Variants in CTNNA1 observed in about 807,000 individuals in gnomAD.
CTNNA1 encodes the protein catenin alpha 1.
A neutral mutation model predicts 98.4 loss-of-function variants in CTNNA1; 37 were observed. That is an observed-to-expected ratio of 0.38 (90% CI 0.29 to 0.49). The LOEUF is 0.49. Among genes scored for constraint, CTNNA1 ranks in the 20% least tolerant of loss-of-function variants. CTNNA1 has a pLI of 0.95. For missense variants in CTNNA1, 761 were observed against 1,147.2 expected, an observed-to-expected ratio of 0.66 and a Z score of 4.86; for synonymous variants, 404 against 413.2, an observed-to-expected ratio of 0.98 and a Z score of 0.27.
chr5:138,768,658 C>T (rs1421460387), intron 1 of CTNNA1, among the ~76,000 whole-genome samples: 1 of 148,774 alleles, frequency 6.7e-6, no homozygotes, highest in Non-Finnish European at 1.5e-5. Flanking sequence ...ATGCTAAACT[C>T]CTGAACTCCT....
intron 3 of CTNNA1, among the ~76,000 whole-genome samples, chr5:138,797,241 A>G (rs772213573): frequency 2.6e-5 from 4 of 152,210 alleles, no homozygotes; most frequent in Non-Finnish European, 5.9e-5. Flanking sequence ...CTTTTTTTAT[A>G]TAAAAGTATA....
intron 5 of CTNNA1, among the ~76,000 whole-genome samples, chr5:138,816,281 G>A (rs557037055): frequency 2.0e-5 from 3 of 152,298 alleles, no homozygotes; most frequent in African/African-American, 4.8e-5. Context: ...TTTGTCTGTT[G>A]ATGGACACTT....
rs775656419 is a variant in CTNNA1, at chr5:138,930,892, C to T, written c.2255C>T (p.Ala752Val). 1.2e-6 allele frequency: 2 copies of T among 1,614,068 alleles called. No homozygotes were observed. The highest frequency in any genetic ancestry group is 1.3e-5 in the African/African-American group (1 of 75,048). ...VISAAKKIAE[A>V]GSRMDKLGRT... Reference sequence around the variant, plus strand: ...AGTGCTGCCAAGAAAATTGCTGAGGCAGGATCCAGGATGGACAAGCTTGGC... The same window carrying T: ...AGTGCTGCCAAGAAAATTGCTGAGGTAGGATCCAGGATGGACAAGCTTGGC... The change falls in exon 16 of 18, where the codon GCA becomes GTA. Residue 752 changes from alanine (A) to valine (V), a missense_variant. Physicochemically the swap from Ala to Val is moderately conservative, Grantham distance 64 (BLOSUM62 0). Around this residue, in one of 6 missense-constraint regions of CTNNA1, gnomAD observed 77 missense variants for 198.8 expected, o/e 0.39. Coordinates refer to ENST00000302763, the MANE Select transcript of CTNNA1 (RefSeq NM_001903.5).
intron 1 of CTNNA1, among the ~76,000 whole-genome samples, chr5:138,765,640 T>C (rs1752844628): frequency 6.6e-6 from 1 of 152,030 alleles, no homozygotes; most frequent in Non-Finnish European, 1.5e-5. Context: ...AGATCAGGTT[T>C]GGTAAAATAG....
Position 138,781,473 on chromosome 5 carries a change from G to T in CTNNA1, c.-2-450G>T, listed in dbSNP as rs966820847. ...TGGGAGGCTGAGGCCAGAGAATGGC[G>T]TGAACCCAGGAGGCGGAGCTTGCAG... On this transcript the variant is annotated intron_variant, in intron 1 of 17. Coordinates refer to ENST00000302763, the MANE Select transcript of CTNNA1 (RefSeq NM_001903.5). Among the ~76,000 whole-genome samples the T allele has an allele frequency of 6.6e-5, 10 of 151,794 alleles. No homozygotes were observed. In the East Asian group the frequency reaches 1.9e-3, roughly 29 times the overall value.
chr5:138,773,749 T>C (rs1753799013), intron 1 of CTNNA1, among the ~76,000 whole-genome samples: 1 of 151,906 alleles, frequency 6.6e-6, no homozygotes, highest in African/African-American at 2.4e-5. Flanking sequence ...CTCACTCTGT[T>C]GCCCAGGCTG....
At chr5:138,840,851 A>C (rs574496891) in intron 7 of CTNNA1, among the ~76,000 whole-genome samples, 1 of 152,296 alleles carries the variant, frequency 6.6e-6, no homozygotes, top group East Asian at 1.9e-4. Flanking sequence ...TCTGCCCTCA[A>C]ACTAGCCATA....
At chr5:138,802,537 T>C (rs1757690065) in intron 3 of CTNNA1, among the ~76,000 whole-genome samples, 1 of 152,104 alleles carries the variant, frequency 6.6e-6, no homozygotes, top group African/African-American at 2.4e-5. Flanking sequence ...AAATATGATG[T>C]TGGAAACTGC....
Position 138,924,723 on chromosome 5 carries a change from T to C in CTNNA1, c.1747+13T>C. On this transcript the variant is annotated intron_variant, in intron 12 of 17. Coordinates refer to ENST00000302763, the MANE Select transcript of CTNNA1 (RefSeq NM_001903.5). The stretch of plus-strand genomic sequence containing the variant: ...CTCTCCAACACAGGTACGGGAACTC[T>C]CCCTTTCCAGTGCTCGCACACACCG... 6.4e-7 allele frequency: 1 copy of C among 1,555,124 alleles called. No individual in the cohort carries two copies. The highest frequency in any genetic ancestry group is 8.7e-7 in the Non-Finnish European group (1 of 1,148,860).
chr5:138,888,082 C>G (rs1015499848), intron 9 of CTNNA1, among the ~76,000 whole-genome samples: 3 of 152,114 alleles, frequency 2.0e-5, no homozygotes, highest in African/African-American at 7.2e-5. Context: ...TTTTGAGGAC[C>G]TAAAAAGATG....
chr5:138,903,759 T>C (rs1268016743), intron 9 of CTNNA1, among the ~76,000 whole-genome samples: 1 of 152,242 alleles, frequency 6.6e-6, no homozygotes, highest in African/African-American at 2.4e-5. Flanking sequence ...CTATGAAACA[T>C]AACCAGTTTC....
At position 138,827,994 on chromosome 5, in the gene CTNNA1, G is replaced by A. The variant is rs1581179779; in HGVS notation, c.1062+276G>A. 1.6e-5 allele frequency: 7 copies of A among 432,944 alleles called. No homozygotes were observed. In the East Asian group the frequency reaches 2.4e-4, roughly 15 times the overall value. 26.8% of individuals were successfully genotyped at this position (432,944 alleles called of 1,614,324 possible). A position where few individuals can be genotyped will look rare whatever the true frequency, so the allele number is the denominator to read the frequency against. ...AATTAACATGTAGATACATGTGTAG[G>A]TGTGTGTATATATAAATGTATATGT... On this transcript the variant is annotated intron_variant, in intron 7 of 17. Coordinates refer to ENST00000302763, the MANE Select transcript of CTNNA1 (RefSeq NM_001903.5).
intron 11 of CTNNA1, among the ~76,000 whole-genome samples, chr5:138,921,219 A>G (rs1762851060): frequency 6.6e-6 from 1 of 152,186 alleles, no homozygotes. Context: ...TTTCACTTGG[A>G]TTGTATTTGA....
chr5:138,828,449 G>A (rs560290659), intron 7 of CTNNA1, among the ~76,000 whole-genome samples: 14 of 150,374 alleles, frequency 9.3e-5, no homozygotes, highest in South Asian at 6.3e-4. Flanking sequence ...TTTTTCCTTC[G>A]CTTATACTTC....
At chr5:138,872,748 TTACA>T in intron 7 of CTNNA1, 1 of 350,488 alleles carries the variant, frequency 2.9e-6, no homozygotes, top group South Asian at 5.9e-5. Flanking sequence ...TTGTATATAA[TTACA>T]TACATTTCTT....
At chr5:138,898,842 A>C (rs1757442297) in intron 9 of CTNNA1, among the ~76,000 whole-genome samples, 1 of 152,146 alleles carries the variant, frequency 6.6e-6, no homozygotes, top group Admixed American at 6.5e-5. Context: ...CATGTCTCTT[A>C]AATTCTTTTG....
In CTNNA1 at chr5:138,930,934, A is replaced by G; in HGVS notation, c.2297A>G (p.His766Arg). 1 of 1,609,594 alleles carries G rather than the reference A, an allele frequency of 6.2e-7. No individual in the cohort carries two copies. The highest frequency in any genetic ancestry group is 8.5e-7 in the Non-Finnish European group (1 of 1,175,838). The change falls in exon 16 of 18, where the codon CAT becomes CGT. Residue 766 changes from histidine to arginine, a missense_variant and splice_region_variant. His to Arg is a conservative substitution (Grantham distance 29). Transcript: ENST00000302763. ...MDKLGRTIAD[H>R]CPDSACKQDL... Reference sequence around the variant, plus strand: ...AAGCTTGGCCGCACCATTGCAGACCATGTAAGTGACAGACTTGCCAGGTGG... The same window carrying G: ...AAGCTTGGCCGCACCATTGCAGACCGTGTAAGTGACAGACTTGCCAGGTGG...
At chr5:138,803,288 A>G (rs1757761556) in intron 3 of CTNNA1, among the ~76,000 whole-genome samples, 1 of 151,912 alleles carries the variant, frequency 6.6e-6, no homozygotes. Flanking sequence ...CAAGTAGCTA[A>G]GACTATAGGT....
intron 1 of CTNNA1, among the ~76,000 whole-genome samples, chr5:138,779,529 G>GT (rs1754801121): frequency 6.6e-6 from 1 of 150,796 alleles, no homozygotes; most frequent in African/African-American, 2.4e-5. Context: ...GAAATGGTCC[G>GT]TTTTTTAAAA....
Sources: gnomAD v4.1 joint callset for allele counts (sites outside exome capture counted in the v4.1 genomes callset) on GRCh38, gnomAD v4.1.1 for gene constraint, gnomAD v4.1.1 regional missense constraint, MANE v1.5 for transcripts, NCBI Gene and HGNC (gene_info 2026-07-23, HGNC 2026-07-21) for gene names.